Variants in ZC4H2 observed in about 807,000 individuals in gnomAD.
ZC4H2 encodes zinc finger C4H2-type containing, also known as zinc finger C4H2 domain-containing protein.
For synonymous variants in ZC4H2, 84 were observed against 66.3 expected (o/e 1.27, Z -1.30); for missense variants, 137 against 173.9 (o/e 0.79, Z 1.19).
In ZC4H2 at chrX:64,917,157, C is replaced by T. The variant is rs1474692845; in HGVS notation, c.*626G>A. On this transcript the variant is annotated 3_prime_UTR_variant, in exon 5 of 5. Coordinates refer to ENST00000374839, the MANE Select transcript of ZC4H2 (RefSeq NM_018684.4). The stretch of plus-strand genomic sequence containing the variant: ...ATCTTAAGATCCCAAGACACACAGC[C>T]TAGTACCTAAGAATTTTAGTATATG... The T allele has an allele frequency of 2.7e-5, 3 of 112,019 alleles. No homozygotes were observed. The highest frequency in any genetic ancestry group is 3.8e-5 in the Non-Finnish European group (2 of 53,216). 9.2% of individuals were successfully genotyped at this position (112,019 alleles called of 1,213,427 possible).
intron 1 of ZC4H2, among the ~76,000 whole-genome samples, chrX:64,955,900 G>A (rs1931136830): frequency 8.9e-6 from 1 of 111,751 alleles, no homozygotes; most frequent in South Asian, 3.7e-4. Context: ...GTCAGAAAGG[G>A]AACATTGGTT....
At chrX:64,947,681 G>A (rs1182176599) in intron 1 of ZC4H2, among the ~76,000 whole-genome samples, 1 of 111,786 alleles carries the variant, frequency 8.9e-6, no homozygotes, top group Non-Finnish European at 1.9e-5. Context: ...ACCTAATTTA[G>A]GAGTATGTGT....
At chrX:65,026,211 G>T (rs1330873206) in intron 1 of ZC4H2, among the ~76,000 whole-genome samples, 1 of 112,000 alleles carries the variant, frequency 8.9e-6, no homozygotes, top group Non-Finnish European at 1.9e-5. Context: ...AGGAATGAAG[G>T]GCAGAGTAGA....
intron 1 of ZC4H2, among the ~76,000 whole-genome samples, chrX:64,930,802 T>C (rs929761459): frequency 4.5e-5 from 5 of 111,726 alleles, no homozygotes; most frequent in South Asian, 3.7e-4. Flanking sequence ...TCTATGTTCA[T>C]CAGGGTATTG....
intron 1 of ZC4H2, among the ~76,000 whole-genome samples, chrX:65,022,665 A>G (rs1433619587): frequency 1.8e-5 from 2 of 112,090 alleles, no homozygotes; most frequent in East Asian, 5.6e-4. Context: ...AGACAAACAG[A>G]AAGCCAAATC....
chrX:65,031,196 C>G (rs1932930785), intron 1 of ZC4H2, among the ~76,000 whole-genome samples: 1 of 112,204 alleles, frequency 8.9e-6, no homozygotes, highest in East Asian at 2.8e-4. Context: ...TTTTGCTCAA[C>G]CTACTTCTCT....
chrX:64,920,274 G>T, intron 2 of ZC4H2, 21 bp from the exon 3 acceptor site: 1 of 1,199,203 alleles, frequency 8.3e-7, no homozygotes, highest in Non-Finnish European at 1.1e-6. Flanking sequence ...GAGTGGGATA[G>T]GCACAGAGAA....
At chrX:64,991,983 C>T (rs887867324) in intron 1 of ZC4H2, among the ~76,000 whole-genome samples, 1 of 111,157 alleles carries the variant, frequency 9.0e-6, no homozygotes, top group African/African-American at 3.3e-5. Flanking sequence ...TACATAGAGA[C>T]AGAGAGTAAA....
At chrX:65,022,429 C>T (rs947294091) in intron 1 of ZC4H2, among the ~76,000 whole-genome samples, 2 of 111,639 alleles carry the variant, frequency 1.8e-5, no homozygotes, top group African/African-American at 3.3e-5. Context: ...AAAAACCACA[C>T]GATTATCTCA....
chrX:65,029,934 T>C (rs745308647), intron 1 of ZC4H2, among the ~76,000 whole-genome samples: 47 of 109,437 alleles, frequency 4.3e-4, no homozygotes, highest in Admixed American at 1.3e-3. Context: ...AAGTAGTTCG[T>C]AGATGAGAAA....
upstream of ZC4H2, among the ~76,000 whole-genome samples, chrX:64,980,171 C>T (rs921155726): frequency 8.9e-6 from 1 of 111,817 alleles, no homozygotes; most frequent in African/African-American, 3.3e-5. Flanking sequence ...GTTTTCAGCC[C>T]AAAAATGTTT....
chrX:64,932,885 T>A (rs143433994), intron 1 of ZC4H2, among the ~76,000 whole-genome samples: 2 of 111,775 alleles, frequency 1.8e-5, no homozygotes, highest in African/African-American at 6.5e-5. Context: ...TTTGACTTCT[T>A]CAGTTTGGAT....
At chrX:64,974,649 G>A (rs1047810455) in intron 1 of ZC4H2, among the ~76,000 whole-genome samples, 18 of 111,514 alleles carry the variant, frequency 1.6e-4, no homozygotes, top group African/African-American at 4.6e-4. Context: ...AGAGGTGAAA[G>A]TTTGGCCTTC....
At chrX:64,947,026 T>C (rs1367820602) in intron 1 of ZC4H2, among the ~76,000 whole-genome samples, 16 of 111,718 alleles carry the variant, frequency 1.4e-4, no homozygotes, top group African/African-American at 4.9e-4. Flanking sequence ...TCTCACAATT[T>C]TTGATATTTT....
chrX:64,944,800 T>C (rs1930454372), intron 1 of ZC4H2, among the ~76,000 whole-genome samples: 1 of 112,151 alleles, frequency 8.9e-6, no homozygotes, highest in Admixed American at 9.5e-5. Flanking sequence ...TTCTCTAATC[T>C]TGTCTTCATG....
chrX:65,014,171 C>G (rs1397009599), intron 1 of ZC4H2, among the ~76,000 whole-genome samples: 1 of 110,956 alleles, frequency 9.0e-6, no homozygotes, highest in African/African-American at 3.3e-5. Context: ...TTTCTAATTC[C>G]TTTTACATGA....
rs528970316 is a variant in ZC4H2, at chrX:65,028,982, T to C, written c.-272+5647A>G. The stretch of plus-strand genomic sequence containing the variant: ...ACAGTTGGACCTATTTATCTAGATC[T>C]CAGGACGGTGGTCTGAGCTAGTAAT... On this transcript the variant is annotated intron_variant, in intron 1 of 4. Transcript: ENST00000337990. 3.6e-5 allele frequency among the ~76,000 whole-genome samples: 4 copies of C among 111,141 alleles called. No homozygotes were observed. In the South Asian group the frequency reaches 1.5e-3, roughly 43 times the overall value.
chrX:65,034,188 A>C (rs1352956174), intron 1 of ZC4H2, among the ~76,000 whole-genome samples: 1 of 111,853 alleles, frequency 8.9e-6, no homozygotes, highest in Non-Finnish European at 1.9e-5. Flanking sequence ...CCATTCTCTA[A>C]GCCAGAAGGA....
At chrX:65,008,916 T>C (rs1455293890) in intron 1 of ZC4H2, among the ~76,000 whole-genome samples, 2 of 111,312 alleles carry the variant, frequency 1.8e-5, no homozygotes, top group Admixed American at 9.5e-5. Flanking sequence ...AGGGTGACTA[T>C]TGTTAACAAT....
Sources: gnomAD v4.1 joint callset for allele counts (sites outside exome capture counted in the v4.1 genomes callset) on GRCh38, gnomAD v4.1.1 for gene constraint, MANE v1.5 for transcripts, NCBI Gene and HGNC (gene_info 2026-07-23, HGNC 2026-07-21) for gene names.